LGSN: variants seen among roughly 807,000 people sequenced by gnomAD.
LGSN encodes the protein lengsin.
In LGSN, 21 loss-of-function variants were observed where a neutral mutation model predicts 19.5. The ratio of observed to expected loss-of-function variants is 1.07; its 90% CI spans 0.76 to 1.55. The LOEUF (loss-of-function observed/expected upper bound fraction) is 1.55. LGSN is among the 40% of genes most tolerant of loss of function. The pLI is 0.00. For synonymous variants in LGSN, 257 were observed against 215.6 expected, an observed-to-expected ratio of 1.19 and a Z score of -1.68; for missense variants, 673 against 608.5, an observed-to-expected ratio of 1.11 and a Z score of -1.12.
At chr6:63,466,859 A>T in the LGSN span, among the ~76,000 whole-genome samples, 1 of 152,194 alleles carries the variant, frequency 6.6e-6, no homozygotes, top group Non-Finnish European at 1.5e-5. Flanking sequence ...CAATGAGGAT[A>T]TTGAATTGAC....
chr6:63,285,808 A>T (rs974580790), intron 2 of LGSN, 55 bp from the exon 3 acceptor site: 2 of 1,398,108 alleles, frequency 1.4e-6, no homozygotes, highest in Non-Finnish European at 2.0e-6. Context: ...ACTGAGAAGC[A>T]AAAGGAGACT....
chr6:63,546,477 A>G, the LGSN span, among the ~76,000 whole-genome samples: 4 of 152,196 alleles, frequency 2.6e-5, no homozygotes, highest in African/African-American at 9.6e-5. Context: ...TAGCCAAGGC[A>G]GGTGGATCAC....
the LGSN span, among the ~76,000 whole-genome samples, chr6:63,390,647 G>A: frequency 1.3e-5 from 2 of 151,342 alleles, no homozygotes; most frequent in African/African-American, 4.8e-5. Context: ...ACGAGGTCAG[G>A]AGATCGAGAC....
At chr6:63,523,070 T>G in the LGSN span, among the ~76,000 whole-genome samples, 1 of 151,896 alleles carries the variant, frequency 6.6e-6, no homozygotes, top group Non-Finnish European at 1.5e-5. Context: ...TCACCTTTTT[T>G]GGCCAGGCTG....
chr6:63,408,066 G>T, the LGSN span, among the ~76,000 whole-genome samples: 1 of 152,118 alleles, frequency 6.6e-6, no homozygotes, highest in Admixed American at 6.6e-5. Flanking sequence ...CATGCTCATG[G>T]GTAGGAAGAA....
At chr6:63,486,713 C>T in the LGSN span, among the ~76,000 whole-genome samples, 1 of 123,994 alleles carries the variant, frequency 8.1e-6, no homozygotes, top group East Asian at 2.4e-4. Context: ...GAGACGGAGT[C>T]TCACTCCATT....
chr6:63,368,778 G>T, the LGSN span, among the ~76,000 whole-genome samples: 1 of 152,156 alleles, frequency 6.6e-6, no homozygotes, highest in African/African-American at 2.4e-5. Context: ...TTACTGTTAT[G>T]TCCTCTGGAG....
At chr6:63,442,062 A>C in the LGSN span, among the ~76,000 whole-genome samples, 14,716 of 152,208 alleles carry the variant, frequency 0.097, 1,521 homozygotes, top group African/African-American at 0.26. Flanking sequence ...TTAAGAAGTG[A>C]GGCGCAGACC....
the LGSN span, chr6:63,548,852 C>T: frequency 2.4e-5 from 18 of 760,640 alleles, no homozygotes; most frequent in African/African-American, 2.9e-4. Flanking sequence ...TGATAGCTCC[C>T]ACTAGCTTAG....
chr6:63,296,647 A>C (rs941889531), intron 1 of LGSN, among the ~76,000 whole-genome samples: 1 of 152,144 alleles, frequency 6.6e-6, no homozygotes, highest in African/African-American at 2.4e-5. Context: ...TATAAATTGA[A>C]GGAATTGGGT....
At chr6:63,393,781 T>C in the LGSN span, among the ~76,000 whole-genome samples, 1 of 152,266 alleles carries the variant, frequency 6.6e-6, no homozygotes, top group Admixed American at 6.5e-5. Flanking sequence ...GCTCTTAAAC[T>C]CCTCATGTGT....
the LGSN span, among the ~76,000 whole-genome samples, chr6:63,348,799 C>T: frequency 8.7e-5 from 13 of 149,322 alleles, no homozygotes; most frequent in Admixed American, 3.4e-4. Context: ...CTGTGTTGCC[C>T]GGGCTGGTCT....
At chr6:63,373,737 C>T in the LGSN span, among the ~76,000 whole-genome samples, 5 of 152,028 alleles carry the variant, frequency 3.3e-5, no homozygotes, top group Non-Finnish European at 5.9e-5. Flanking sequence ...CTCTGGGAGG[C>T]CAAGGCGGGC....
At chr6:63,338,415 T>C in the LGSN span, among the ~76,000 whole-genome samples, 1 of 152,176 alleles carries the variant, frequency 6.6e-6, no homozygotes, top group African/African-American at 2.4e-5. Flanking sequence ...TATTTCTTCC[T>C]AGTTCAATCT....
At chr6:63,346,884 A>G in the LGSN span, among the ~76,000 whole-genome samples, 8 of 152,262 alleles carry the variant, frequency 5.3e-5, no homozygotes, top group Admixed American at 3.9e-4. Flanking sequence ...AAAAATCCCT[A>G]AACAATGAAT....
At chr6:63,357,145 T>A in the LGSN span, among the ~76,000 whole-genome samples, 10 of 152,082 alleles carry the variant, frequency 6.6e-5, no homozygotes, top group South Asian at 2.1e-4. Flanking sequence ...TCCATATCCC[T>A]GCAAAGGACA....
the LGSN span, among the ~76,000 whole-genome samples, chr6:63,379,996 C>A: frequency 3.2e-4 from 49 of 152,172 alleles, no homozygotes; most frequent in Non-Finnish European, 6.2e-4. Flanking sequence ...TGCCACTACA[C>A]CCAGCTAATT....
chr6:63,446,552 C>T, the LGSN span, among the ~76,000 whole-genome samples: 3 of 152,272 alleles, frequency 2.0e-5, no homozygotes, highest in Middle Eastern at 3.4e-3. Context: ...AGAACAGCAA[C>T]GAGCACATAG....
In LGSN at chr6:63,301,875, AATTATC is replaced by A. The variant is rs1221107444; in HGVS notation, c.31-6836_31-6831del. Reference sequence around the variant, plus strand: ...GGATTTTTGCTTTTGAAAACCTTTTAATTATCAGTTAGGCTAAATTAATTACTATTA... The same window carrying A: ...GGATTTTTGCTTTTGAAAACCTTTTAAGTTAGGCTAAATTAATTACTATTA... On this transcript the variant is annotated intron_variant, in intron 1 of 3. Coordinates refer to ENST00000370657, the MANE Select transcript of LGSN (RefSeq NM_016571.3). Among the ~76,000 whole-genome samples the A allele has an allele frequency of 2.0e-5, 3 of 152,166 alleles. 1 individual carries two copies. Among genetic ancestry groups the A allele is most frequent in the Non-Finnish European group, 4.4e-5 (3 of 68,008 alleles).
Sources: allele counts gnomAD v4.1 joint callset (sites outside exome capture counted in the v4.1 genomes callset), GRCh38; gene constraint gnomAD v4.1.1; transcripts MANE v1.5; gene names NCBI Gene and HGNC (gene_info 2026-07-23, HGNC 2026-07-21).